Variants in COMMD10 observed in about 807,000 individuals in gnomAD.
COMMD10 encodes COMM domain containing 10.
COMMD10 carries 33 observed loss-of-function variants against 28.9 expected under a neutral mutation model. The observed-to-expected ratio is 1.14, with a 90% confidence interval of 0.87 to 1.53. COMMD10 has a LOEUF of 1.53. Among genes scored for constraint, COMMD10 ranks in the 40% most tolerant of loss-of-function variants. COMMD10 has a pLI of 0.00. For missense variants in COMMD10, 310 were observed against 233.4 expected (o/e 1.33, Z -2.14); for synonymous variants, 110 against 81.7 (o/e 1.35, Z -1.87).
chr5:116,247,201 T>C (rs1749976435), intron 5 of COMMD10, among the ~76,000 whole-genome samples: 1 of 151,712 alleles, frequency 6.6e-6, no homozygotes, highest in African/African-American at 2.4e-5. Flanking sequence ...ATACATATGG[T>C]CAACAGTCAT....
In COMMD10 at chr5:116,250,259, A is replaced by G. The variant is rs182515080; in HGVS notation, c.511-41258A>G. Among the ~76,000 whole-genome samples, 215 of 151,972 alleles carry G rather than the reference A, an allele frequency of 1.4e-3. 3 individuals carry two copies. Among genetic ancestry groups the G allele is most frequent in the African/African-American group, 5.0e-3 (209 of 41,504 alleles). Reference sequence around the variant, plus strand: ...AAACTGAATATTTTTGAGATTCACTAGATGGATTGGTTTTCTTAATATGCA... The same window carrying G: ...AAACTGAATATTTTTGAGATTCACTGGATGGATTGGTTTTCTTAATATGCA... On this transcript the variant is annotated intron_variant, in intron 5 of 6. Coordinates refer to ENST00000274458, the MANE Select transcript of COMMD10 (RefSeq NM_016144.4).
chr5:116,128,658 G>T (rs900395264), intron 4 of COMMD10, among the ~76,000 whole-genome samples: 1 of 151,916 alleles, frequency 6.6e-6, no homozygotes, highest in African/African-American at 2.4e-5. Flanking sequence ...TCTTTGTATA[G>T]TAACTGTATC....
intron 5 of COMMD10, among the ~76,000 whole-genome samples, chr5:116,134,587 C>G (rs1461222040): frequency 1.3e-5 from 2 of 152,010 alleles, no homozygotes; most frequent in East Asian, 3.9e-4. Context: ...GTATAGTATG[C>G]CTGCATGTGT....
At chr5:116,180,951 G>A (rs958509002) in intron 5 of COMMD10, among the ~76,000 whole-genome samples, 2 of 151,888 alleles carry the variant, frequency 1.3e-5, no homozygotes, top group Non-Finnish European at 2.9e-5. Context: ...TTAGTAGTTC[G>A]AGACCAGCCT....
At chr5:116,137,677 C>T (rs369653822) in intron 5 of COMMD10, among the ~76,000 whole-genome samples, 2 of 152,040 alleles carry the variant, frequency 1.3e-5, no homozygotes, top group African/African-American at 4.8e-5. Context: ...TTTTTCACTT[C>T]TAACATACAA....
intron 5 of COMMD10, among the ~76,000 whole-genome samples, chr5:116,235,033 T>C (rs1422385705): frequency 6.6e-6 from 1 of 152,208 alleles, no homozygotes; most frequent in African/African-American, 2.4e-5. Context: ...TAAAGGTGTT[T>C]GTAAAAGGAC....
At chr5:116,121,352 G>T (rs1751429200) in intron 4 of COMMD10, among the ~76,000 whole-genome samples, 1 of 152,124 alleles carries the variant, frequency 6.6e-6, no homozygotes, top group Admixed American at 6.5e-5. Flanking sequence ...TGGTGTATAT[G>T]TGCCACATTT....
At chr5:116,114,237 A>C (rs1348360884) in intron 4 of COMMD10, among the ~76,000 whole-genome samples, 3 of 151,986 alleles carry the variant, frequency 2.0e-5, no homozygotes, top group Non-Finnish European at 4.4e-5. Flanking sequence ...AGTTCCATGC[A>C]GGCTGATTAT....
chr5:116,095,297 C>A (rs1366906800), intron 4 of COMMD10, among the ~76,000 whole-genome samples: 2 of 151,994 alleles, frequency 1.3e-5, no homozygotes, highest in Admixed American at 1.3e-4. Flanking sequence ...CATAAATATG[C>A]AAAAATATTA....
intron 5 of COMMD10, among the ~76,000 whole-genome samples, chr5:116,278,502 A>G (rs1298045956): frequency 6.6e-6 from 1 of 151,896 alleles, no homozygotes; most frequent in African/African-American, 2.4e-5. Flanking sequence ...ACTGCCAAGC[A>G]TATTGCTTTA....
chr5:116,234,497 T>C (rs1307819496), intron 5 of COMMD10, among the ~76,000 whole-genome samples: 2 of 152,202 alleles, frequency 1.3e-5, no homozygotes, highest in Admixed American at 1.3e-4. Flanking sequence ...GCATATGGCT[T>C]TGAAGATGGG....
chr5:116,166,989 G>C lies in COMMD10; in HGVS notation c.510+32811G>C, dbSNP rs1753142175. On this transcript the variant is annotated intron_variant, in intron 5 of 6. Coordinates refer to ENST00000274458, the MANE Select transcript of COMMD10 (RefSeq NM_016144.4). ...CACCAGCAAGGGAACATAACTGGTTGGAGAATGAGTTTGACGAATTGACAG... is the reference window on the plus strand; with the variant it reads ...CACCAGCAAGGGAACATAACTGGTTCGAGAATGAGTTTGACGAATTGACAG... Among the ~76,000 whole-genome samples the C allele has an allele frequency of 2.0e-5, 3 of 152,170 alleles. No homozygotes were observed. The South Asian group carries it at 6.2e-4, about 32-fold the overall frequency.
At chr5:116,210,442 G>A (rs74707178) in intron 5 of COMMD10, among the ~76,000 whole-genome samples, 1 of 151,868 alleles carries the variant, frequency 6.6e-6, no homozygotes, top group East Asian at 1.9e-4. Flanking sequence ...GTCATTGATG[G>A]TAGGGATGAT....
intron 5 of COMMD10, among the ~76,000 whole-genome samples, chr5:116,216,323 A>G (rs1749099248): frequency 1.3e-5 from 2 of 152,214 alleles, no homozygotes; most frequent in Non-Finnish European, 2.9e-5. Context: ...AACTCATCAC[A>G]CTTAGCATGT....
intron 4 of COMMD10, among the ~76,000 whole-genome samples, chr5:116,104,876 C>T (rs1426324610): frequency 6.6e-6 from 1 of 152,212 alleles, no homozygotes; most frequent in Non-Finnish European, 1.5e-5. Context: ...GCCTTGGCCT[C>T]CCAAAGTGCT....
At chr5:116,086,075 G>A (rs563921286) in intron 1 of COMMD10, among the ~76,000 whole-genome samples, 69 of 152,256 alleles carry the variant, frequency 4.5e-4, no homozygotes, top group Non-Finnish European at 8.4e-4. Context: ...CAGAATTTTT[G>A]GGAATTTAAA....
chr5:116,134,214 G>T, intron 5 of COMMD10, 36 bp downstream of exon 5: 1 of 1,231,776 alleles, frequency 8.1e-7, no homozygotes, highest in Non-Finnish European at 1.2e-6. Context: ...GATGTATTTT[G>T]TTTGTTAGGA....
chr5:116,098,382 A>T (rs1278959329), intron 4 of COMMD10, among the ~76,000 whole-genome samples: 5 of 152,192 alleles, frequency 3.3e-5, no homozygotes, highest in African/African-American at 4.8e-5. Context: ...CTTGCAGCAG[A>T]ACACATGTTG....
chr5:116,244,630 C>A (rs1276195027), intron 5 of COMMD10, among the ~76,000 whole-genome samples: 1 of 138,914 alleles, frequency 7.2e-6, no homozygotes, highest in South Asian at 2.2e-4. Flanking sequence ...TATACCATTA[C>A]CACTTAACAA....
Sources: allele counts gnomAD v4.1 joint callset (sites outside exome capture counted in the v4.1 genomes callset), GRCh38; gene constraint gnomAD v4.1.1; transcripts MANE v1.5; gene names NCBI Gene and HGNC (gene_info 2026-07-23, HGNC 2026-07-21).